Variants in IQSEC3 observed in about 807,000 individuals in gnomAD.
The protein encoded by IQSEC3 is IQ motif and SEC7 domain-containing protein 3.
In IQSEC3, 50 loss-of-function variants were observed where a neutral mutation model predicts 105.4. That is an observed-to-expected ratio of 0.47 (90% CI 0.38 to 0.60). IQSEC3 has a LOEUF of 0.60. Among genes scored for constraint, IQSEC3 ranks in the 20% least tolerant of loss-of-function variants. IQSEC3 has a pLI of 0.00. For synonymous variants in IQSEC3, 708 were observed against 746.0 expected, an observed-to-expected ratio of 0.95 and a Z score of 0.83; for missense variants, 1,415 against 1,630.0, an observed-to-expected ratio of 0.87 and a Z score of 2.27.
chr12:139,375 A>T, intron 4 of IQSEC3, 21 bp downstream of exon 4: 1 of 1,515,732 alleles, frequency 6.6e-7, no homozygotes, highest in Non-Finnish European at 8.9e-7. Flanking sequence ...CCCGGCCCCC[A>T]GCCCGGAGTC....
chr12:144,071 A>C (rs1346939366), intron 5 of IQSEC3: 1 of 152,438 alleles, frequency 6.6e-6, no homozygotes, highest in Non-Finnish European at 1.5e-5. Context: ...GTAGCCCTGC[A>C]GGCCTGGCAT....
chr12:80,127 G>C (rs782493030), intron 1 of IQSEC3, among the ~76,000 whole-genome samples: 3 of 152,190 alleles, frequency 2.0e-5, no homozygotes, highest in Non-Finnish European at 4.4e-5. Flanking sequence ...GGGCCAGAGA[G>C]GGGAGGAAGC....
intron 2 of IQSEC3, among the ~76,000 whole-genome samples, chr12:112,132 G>A (rs1395756743): frequency 2.0e-5 from 3 of 152,106 alleles, no homozygotes; most frequent in African/African-American, 4.8e-5. Context: ...ACAATGCATT[G>A]CAATCCTAGC....
chr12:154,234 G>C (rs936406326), intron 5 of IQSEC3, among the ~76,000 whole-genome samples: 5 of 152,222 alleles, frequency 3.3e-5, no homozygotes, highest in Non-Finnish European at 4.4e-5. Flanking sequence ...TGAGTGAACG[G>C]CTGCTTGTCA....
At chr12:161,753 G>C (rs1486050553) in intron 7 of IQSEC3, among the ~76,000 whole-genome samples, 173 bp from the exon 8 acceptor site, 2 of 152,144 alleles carry the variant, frequency 1.3e-5, no homozygotes, top group Non-Finnish European at 2.9e-5. Context: ...CCTGGCTAAG[G>C]AACTTGTTCT....
At chr12:131,867 G>A (rs983062711) in intron 3 of IQSEC3, among the ~76,000 whole-genome samples, 7 of 152,224 alleles carry the variant, frequency 4.6e-5, no homozygotes, top group Admixed American at 2.6e-4. Flanking sequence ...TAGGACACAC[G>A]ATGGTGAACC....
At chr12:75,905 G>A (rs1432622298) in intron 1 of IQSEC3, among the ~76,000 whole-genome samples, 2 of 152,242 alleles carry the variant, frequency 1.3e-5, no homozygotes, top group Non-Finnish European at 2.9e-5. Context: ...AGTTCTTCAG[G>A]CTGGTTGGGG....
intron 1 of IQSEC3, among the ~76,000 whole-genome samples, chr12:68,305 A>G (rs1182258193): frequency 2.0e-5 from 3 of 152,164 alleles, no homozygotes; most frequent in Non-Finnish European, 2.9e-5. Context: ...CAGTTGGCAG[A>G]TGGAGTTGGT....
At chr12:126,121 C>A (rs528903835) in intron 3 of IQSEC3, among the ~76,000 whole-genome samples, 1 of 152,260 alleles carries the variant, frequency 6.6e-6, no homozygotes, top group Non-Finnish European at 1.5e-5. Context: ...CTCATACCCT[C>A]GCAATGCCAG....
At chr12:141,049 G>A (rs1477280151) in intron 4 of IQSEC3, 75 bp from the exon 5 acceptor site, 2 of 1,448,432 alleles carry the variant, frequency 1.4e-6, no homozygotes, top group African/African-American at 1.4e-5. Context: ...ACTTCTATGG[G>A]TGGAAGACAG....
intron 1 of IQSEC3, among the ~76,000 whole-genome samples, chr12:68,633 G>A (rs1260922319): frequency 6.6e-6 from 1 of 152,270 alleles, no homozygotes; most frequent in Admixed American, 6.5e-5. Flanking sequence ...TCCCTGGTCA[G>A]CACCTGACCT....
At chr12:119,116 G>C (rs1312238916) in intron 2 of IQSEC3, among the ~76,000 whole-genome samples, 1 of 152,196 alleles carries the variant, frequency 6.6e-6, no homozygotes, top group Non-Finnish European at 1.5e-5. Context: ...AGTTGGGTGT[G>C]GTTCTCAAGA....
chr12:156,390 C>T (rs771777885), intron 5 of IQSEC3, among the ~76,000 whole-genome samples: 5 of 152,190 alleles, frequency 3.3e-5, no homozygotes, highest in Admixed American at 1.3e-4. Flanking sequence ...TGTCCCCTCA[C>T]GTTAGGCACA....
At chr12:133,651 C>G (rs537288995) in intron 3 of IQSEC3, among the ~76,000 whole-genome samples, 1 of 151,378 alleles carries the variant, frequency 6.6e-6, no homozygotes, top group South Asian at 2.1e-4. Flanking sequence ...TCTGGAGGTT[C>G]AGTGTAAAAT....
intron 3 of IQSEC3, among the ~76,000 whole-genome samples, chr12:134,823 C>T (rs934579547): frequency 3.3e-5 from 5 of 149,612 alleles, no homozygotes; most frequent in Non-Finnish European, 4.4e-5. Flanking sequence ...ATAGGCCAGA[C>T]GGGAAAGAAA....
chr12:102,636 G>A (rs1242441321), intron 2 of IQSEC3, among the ~76,000 whole-genome samples: 2 of 152,294 alleles, frequency 1.3e-5, no homozygotes, highest in South Asian at 2.1e-4. Context: ...CAGCCCTACC[G>A]AGGCCAGGAC....
chr12:95,498 C>A (rs1281401174), intron 1 of IQSEC3, among the ~76,000 whole-genome samples: 4 of 152,134 alleles, frequency 2.6e-5, no homozygotes. Context: ...ACGGTAATAT[C>A]ACACATGGGA....
chr12:139,130 C>A lies in IQSEC3; in HGVS notation c.1767C>A (p.Ala589=), dbSNP rs1346340935. The A allele has an allele frequency of 4.6e-6, 7 of 1,519,938 alleles. No homozygotes were observed. Among genetic ancestry groups the A allele is most frequent in the Non-Finnish European group, 6.2e-6 (7 of 1,131,292 alleles). The allele number at this position is 1,519,938 out of a possible 1,614,324, so 94.2% of individuals were successfully genotyped here. ...ETAEVGRGAE[A]EAGDLEQLSS... ...CGGAGGTGGGGAGAGGGGCCGAGGCCGAGGCAGGCGACTTGGAGCAGCTGA... is the reference window on the plus strand; with the variant it reads ...CGGAGGTGGGGAGAGGGGCCGAGGCAGAGGCAGGCGACTTGGAGCAGCTGA... The change falls in exon 4 of 14, where the codon GCC becomes GCA. Residue 589 remains alanine (A), a synonymous_variant. Coordinates refer to ENST00000538872, the MANE Select transcript of IQSEC3 (RefSeq NM_001170738.2).
intron 1 of IQSEC3, among the ~76,000 whole-genome samples, chr12:98,763 G>A (rs1864320014): frequency 6.6e-6 from 1 of 152,222 alleles, no homozygotes; most frequent in Non-Finnish European, 1.5e-5. Flanking sequence ...GTTCTACCTT[G>A]CAGGACCATC....
Sources: allele counts gnomAD v4.1 joint callset (sites outside exome capture counted in the v4.1 genomes callset), GRCh38; gene constraint gnomAD v4.1.1; transcripts MANE v1.5; gene names NCBI Gene and HGNC (gene_info 2026-07-23, HGNC 2026-07-21).